GARIN1B: variants seen among roughly 807,000 people sequenced by gnomAD.
GARIN1B encodes the protein Golgi-associated RAB2 interactor protein 1B.
At chr7:128,716,683 G>A in the GARIN1B span, 1 of 698,038 alleles carries the variant, frequency 1.4e-6, no homozygotes. Context: ...AGTGTGCAGG[G>A]CAGTATCCTA....
At chr7:128,719,240 T>G in the GARIN1B span, among the ~76,000 whole-genome samples, 2 of 152,004 alleles carry the variant, frequency 1.3e-5, no homozygotes, top group East Asian at 1.9e-4. Context: ...AATCCACCAT[T>G]GTGGATTTTA....
chr7:128,710,938 G>A, the GARIN1B span, among the ~76,000 whole-genome samples: 119 of 152,190 alleles, frequency 7.8e-4, no homozygotes, highest in African/African-American at 2.7e-3. Flanking sequence ...GATTACAGGC[G>A]TGAGCCACTG....
At chr7:128,729,823 C>A in the GARIN1B span, 1 of 1,445,846 alleles carries the variant, frequency 6.9e-7, no homozygotes, top group Middle Eastern at 1.8e-4. Flanking sequence ...ATCGTAAGCA[C>A]CCCCCCAAAT....
the GARIN1B span, among the ~76,000 whole-genome samples, chr7:128,717,449 T>C: frequency 7.3e-5 from 11 of 150,990 alleles, no homozygotes; most frequent in African/African-American, 2.4e-4. Context: ...TCTTTCTTTT[T>C]TTTTTTTTTT....
At chr7:128,718,793 A>G in the GARIN1B span, 1 of 1,603,770 alleles carries the variant, frequency 6.2e-7, no homozygotes, top group Non-Finnish European at 8.5e-7. Context: ...ATTGGATGCA[A>G]TAGGGTTGTC....
chr7:128,719,236 C>T, the GARIN1B span, among the ~76,000 whole-genome samples: 75 of 151,978 alleles, frequency 4.9e-4, no homozygotes, highest in East Asian at 0.013. Context: ...ATAAAATCCA[C>T]CATTGTGGAT....
chr7:128,715,562 C>CCTGTGGATG, the GARIN1B span: 17 of 1,614,036 alleles, frequency 1.1e-5, no homozygotes, highest in Non-Finnish European at 1.4e-5. Flanking sequence ...GGGCCTCTTG[C>CCTGTGGATG]CTGTGGATGG....
the GARIN1B span, among the ~76,000 whole-genome samples, chr7:128,711,972 C>A: frequency 6.6e-6 from 1 of 152,106 alleles, no homozygotes; most frequent in Non-Finnish European, 1.5e-5. Context: ...ACCTGGGAGG[C>A]GGAGGTTGCA....
the GARIN1B span, among the ~76,000 whole-genome samples, chr7:128,718,434 GAAAAAAA>G: frequency 6.8e-5 from 8 of 117,968 alleles, no homozygotes; most frequent in Non-Finnish European, 1.5e-4. Flanking sequence ...CTTTGCCTCA[GAAAAAAA>G]AAAAAAAAAG....
At chr7:128,718,482 GT>G in the GARIN1B span, among the ~76,000 whole-genome samples, 3 of 151,078 alleles carry the variant, frequency 2.0e-5, no homozygotes, top group African/African-American at 7.3e-5. Flanking sequence ...GAAAGAAATT[GT>G]AAAATCCTAT....
chr7:128,712,065 A>C, the GARIN1B span, among the ~76,000 whole-genome samples: 1 of 152,178 alleles, frequency 6.6e-6, no homozygotes, highest in Admixed American at 6.6e-5. Flanking sequence ...AAAACAAAAA[A>C]AACCTTGCTG....
chr7:128,719,005 C>T, the GARIN1B span: 3 of 1,614,192 alleles, frequency 1.9e-6, no homozygotes, highest in Non-Finnish European at 2.5e-6. Flanking sequence ...GGCTGTCCAT[C>T]ACCACCAAAG....
chr7:128,713,296 G>C, the GARIN1B span, among the ~76,000 whole-genome samples: 73 of 152,230 alleles, frequency 4.8e-4, no homozygotes, highest in African/African-American at 1.7e-3. Flanking sequence ...CACAGAGTGA[G>C]ACCTTATTTC....
the GARIN1B span, among the ~76,000 whole-genome samples, chr7:128,719,824 C>A: frequency 6.6e-6 from 1 of 151,462 alleles, no homozygotes; most frequent in Non-Finnish European, 1.5e-5. Flanking sequence ...CTCAGCCTCC[C>A]AAGTAGCTGG....
At chr7:128,727,640 A>G in the GARIN1B span, among the ~76,000 whole-genome samples, 1 of 151,830 alleles carries the variant, frequency 6.6e-6, no homozygotes, top group South Asian at 2.1e-4. Flanking sequence ...TCACCTGCTC[A>G]CTCACTCTTC....
At chr7:128,713,175 T>A in the GARIN1B span, among the ~76,000 whole-genome samples, 4 of 152,216 alleles carry the variant, frequency 2.6e-5, no homozygotes, top group East Asian at 7.7e-4. Flanking sequence ...GGCATGGTGC[T>A]GCACGTTTGT....
the GARIN1B span, among the ~76,000 whole-genome samples, chr7:128,717,761 T>G: frequency 2.0e-5 from 3 of 150,878 alleles, no homozygotes; most frequent in East Asian, 3.9e-4. Flanking sequence ...TTTTTTTGTT[T>G]TTTTTTTTTA....
At chr7:128,731,520 G>C in the GARIN1B span, 1 of 263,796 alleles carries the variant, frequency 3.8e-6, no homozygotes, top group African/African-American at 2.2e-5. Context: ...TGGTAGACGA[G>C]ATAAGGAGGA....
the GARIN1B span, chr7:128,731,121 T>G: frequency 6.2e-7 from 1 of 1,610,350 alleles, no homozygotes. Flanking sequence ...TGAGCCACCC[T>G]TCCGCACTGG....
Sources: allele counts gnomAD v4.1 joint callset (sites outside exome capture counted in the v4.1 genomes callset), GRCh38; gene constraint gnomAD v4.1.1; transcripts MANE v1.5; gene names NCBI Gene and HGNC (gene_info 2026-07-23, HGNC 2026-07-21).